The following PRKDC variants were observed in gnomAD, a reference collection of about 807,000 sequenced individuals.
PRKDC encodes the protein protein kinase, DNA-activated, catalytic subunit.
Under a neutral mutation model 486.9 loss-of-function variants are expected in PRKDC, and 82 were observed. The ratio of observed to expected loss-of-function variants is 0.17; its 90% CI spans 0.14 to 0.20. The LOEUF is 0.20. Among genes scored for constraint, PRKDC ranks in the 10% least tolerant of loss-of-function variants. The pLI is 1.00. For missense variants in PRKDC, 4,504 were observed against 5,038.2 expected (o/e 0.89, Z 3.21); for synonymous variants, 1,895 against 1,837.0 (o/e 1.03, Z -0.81).
intron 21 of PRKDC, among the ~76,000 whole-genome samples, chr8:47,922,338 G>T (rs1486893751): frequency 6.6e-6 from 1 of 152,036 alleles, no homozygotes; most frequent in Non-Finnish European, 1.5e-5. Context: ...CAGGTGCAGT[G>T]GTGCGCACCT....
intron 21 of PRKDC, among the ~76,000 whole-genome samples, chr8:47,925,896 G>A (rs1434406801): frequency 1.3e-5 from 2 of 152,154 alleles, no homozygotes; most frequent in African/African-American, 4.8e-5. Flanking sequence ...CTGGAAGTTT[G>A]ATACATCAAA....
In PRKDC at chr8:47,778,451, A is replaced by T; in HGVS notation, c.11853+8T>A. ...TTGCCCAGGATCACGAGAGCACAGC[A>T]AGTGCACCTGTGTAGCGGATCCAAA... On this transcript the variant is annotated splice_region_variant and intron_variant, in intron 83 of 85. Transcript: ENST00000314191. 6.2e-7 allele frequency: 1 copy of T among 1,610,716 alleles called. No homozygotes were observed. The highest frequency in any genetic ancestry group is 8.5e-7 in the Non-Finnish European group (1 of 1,178,598).
intron 68 of PRKDC, among the ~76,000 whole-genome samples, chr8:47,816,764 A>G (rs2087456707): frequency 6.6e-6 from 1 of 152,108 alleles, no homozygotes; most frequent in African/African-American, 2.4e-5. Context: ...AGAACCCAGG[A>G]GAGTACTACT....
chr8:47,934,998 T>A lies in PRKDC; in HGVS notation c.1497+11A>T. The A allele has an allele frequency of 6.7e-7, 1 of 1,498,710 alleles. No individual in the cohort carries two copies. Among genetic ancestry groups the A allele is most frequent in the Non-Finnish European group, 9.1e-7 (1 of 1,104,752 alleles). 92.8% of individuals were successfully genotyped at this position (1,498,710 alleles called of 1,614,324 possible). A position where few individuals can be genotyped will look rare whatever the true frequency, so the allele number is the denominator to read the frequency against. ...CAGATTAATTTTCTAAACATTAAATTCAGAATTTACCTTTGGAAGGACCAC... is the reference window on the plus strand; with the variant it reads ...CAGATTAATTTTCTAAACATTAAATACAGAATTTACCTTTGGAAGGACCAC... On this transcript the variant is annotated intron_variant, in intron 14 of 85. Coordinates refer to ENST00000314191, the MANE Select transcript of PRKDC (RefSeq NM_006904.7).
chr8:47,858,660 C>A, intron 47 of PRKDC, 25 bp from the exon 48 acceptor site: 1 of 1,473,286 alleles, frequency 6.8e-7, no homozygotes, highest in East Asian at 2.5e-5. Context: ...TCAAAATTAC[C>A]TTAAAACGTG....
At chr8:47,821,992 G>A (rs1563752182) in intron 64 of PRKDC, among the ~76,000 whole-genome samples, 200 bp from the exon 65 acceptor site, 1 of 152,174 alleles carries the variant, frequency 6.6e-6, no homozygotes, top group Non-Finnish European at 1.5e-5. Context: ...TAAATGAATA[G>A]AAAAACCCAG....
intron 9 of PRKDC, 41 bp from the exon 10 acceptor site, chr8:47,943,407 T>C (rs1318606998): frequency 1.3e-6 from 2 of 1,552,692 alleles, no homozygotes; most frequent in Non-Finnish European, 1.7e-6. Context: ...TCAGACGACA[T>C]AACACAGAAC....
intron 27 of PRKDC, 88 bp downstream of exon 27, chr8:47,902,481 G>T: frequency 1.1e-6 from 1 of 892,672 alleles, no homozygotes; most frequent in African/African-American, 1.7e-5. Flanking sequence ...CTAAATGCAG[G>T]AAATATGACA....
chr8:47,776,741 T>A, intron 85 of PRKDC, 103 bp downstream of exon 85: 2 of 1,415,588 alleles, frequency 1.4e-6, no homozygotes, highest in Non-Finnish European at 1.9e-6. Flanking sequence ...GAAGTCATGC[T>A]AACAGAGTGT....
intron 50 of PRKDC, among the ~76,000 whole-genome samples, chr8:47,854,619 G>A (rs1168187777): frequency 6.6e-6 from 1 of 152,054 alleles, no homozygotes; most frequent in Non-Finnish European, 1.5e-5. Context: ...GGATTAAGGC[G>A]TGAGCCACCG....
chr8:47,861,603 C>T (rs1316174014), intron 44 of PRKDC, among the ~76,000 whole-genome samples: 1 of 152,208 alleles, frequency 6.6e-6, no homozygotes, highest in African/African-American at 2.4e-5. Flanking sequence ...GCAGCAACCA[C>T]CACATTCTCA....
At chr8:47,905,060 G>A in intron 25 of PRKDC, 84 bp from the exon 26 acceptor site, 5 of 1,016,760 alleles carry the variant, frequency 4.9e-6, no homozygotes, top group Non-Finnish European at 7.4e-6. Flanking sequence ...AATGCCATTT[G>A]CAGTATAAAA....
intron 68 of PRKDC, among the ~76,000 whole-genome samples, chr8:47,810,670 G>C (rs1428499745): frequency 6.6e-6 from 1 of 152,122 alleles, no homozygotes; most frequent in Admixed American, 6.5e-5. Context: ...TGCTCCAGGA[G>C]GTCAAGAAAA....
chr8:47,782,374 T>C lies in PRKDC; in HGVS notation c.11396+4A>G. Reference sequence around the variant, plus strand: ...CTACTGGCTGGGAGCAGCCTGGCAGTTACCTGGAGGTCATGGGCACAACGC... The same window carrying C: ...CTACTGGCTGGGAGCAGCCTGGCAGCTACCTGGAGGTCATGGGCACAACGC... On this transcript the variant is annotated splice_donor_region_variant and intron_variant, in intron 79 of 85. Coordinates refer to ENST00000314191, the MANE Select transcript of PRKDC (RefSeq NM_006904.7). The surrounding 1 kb of genome is among the most constrained non-coding windows in gnomAD (Gnocchi z 4.9). 6.2e-7 allele frequency: 1 copy of C among 1,606,660 alleles called. No homozygotes were observed. The highest frequency in any genetic ancestry group is 1.1e-5 in the South Asian group (1 of 90,162).
At chr8:47,949,227 AGTTCAAG>A (rs1299929968) in intron 7 of PRKDC, among the ~76,000 whole-genome samples, 1 of 152,208 alleles carries the variant, frequency 6.6e-6, no homozygotes, top group African/African-American at 2.4e-5. Context: ...TCATCTCTTC[AGTTCAAG>A]GTCAGCTGAT....
intron 4 of PRKDC, 28 bp from the exon 5 acceptor site, chr8:47,954,474 T>A: frequency 1.1e-6 from 1 of 931,604 alleles, no homozygotes; most frequent in Non-Finnish European, 1.5e-6. Context: ...AGTACATCAA[T>A]GTAGTGCGGG....
In PRKDC at chr8:47,855,211, A is replaced by C. The variant is rs1563768685; in HGVS notation, c.6761+11T>G. On this transcript the variant is annotated intron_variant, in intron 50 of 85. Coordinates refer to ENST00000314191, the MANE Select transcript of PRKDC (RefSeq NM_006904.7). ...ATTTCTAAACAATACTGCAAAAACC[A>C]GTAAACATACCTATAAGGGATGGAT... is the stretch of plus-strand genomic sequence containing the variant. 6.3e-7 allele frequency: 1 copy of C among 1,579,846 alleles called. No homozygotes were observed. Among genetic ancestry groups the C allele is most frequent in the East Asian group, 2.3e-5 (1 of 44,408 alleles).
intron 21 of PRKDC, among the ~76,000 whole-genome samples, chr8:47,919,560 C>T (rs1029207025): frequency 2.0e-5 from 3 of 152,180 alleles, no homozygotes; most frequent in South Asian, 2.1e-4. Context: ...GGGCACCTGC[C>T]GGTGGTTTAA....
chr8:47,851,391 C>T (rs2088399482), intron 52 of PRKDC, among the ~76,000 whole-genome samples: 2 of 152,186 alleles, frequency 1.3e-5, no homozygotes, highest in South Asian at 4.1e-4. Context: ...ACAAAAATAG[C>T]TGATAATCCC....
Sources: allele counts gnomAD v4.1 joint callset (sites outside exome capture counted in the v4.1 genomes callset), GRCh38; gene constraint gnomAD v4.1.1; non-coding constraint Gnocchi (gnomAD v3.1); transcripts MANE v1.5; gene names NCBI Gene and HGNC (gene_info 2026-07-23, HGNC 2026-07-21).